CAMTA1: variants seen among roughly 807,000 people sequenced by gnomAD.
CAMTA1 encodes the protein calmodulin-binding transcription activator 1.
In CAMTA1, 27 loss-of-function variants were observed where a neutral mutation model predicts 170.9. The observed-to-expected ratio is 0.16, with a 90% CI of 0.12 to 0.22. CAMTA1 has a LOEUF of 0.22. Among genes scored for constraint, CAMTA1 ranks in the 10% least tolerant of loss-of-function variants. CAMTA1 has a pLI of 1.00. For synonymous variants in CAMTA1, 833 were observed against 891.5 expected (o/e 0.93, Z 1.17); for missense variants, 1,619 against 2,217.2 (o/e 0.73, Z 5.42).
At chr1:7,548,658 C>T (rs1385655047) in intron 6 of CAMTA1, among the ~76,000 whole-genome samples, 1 of 142,762 alleles carries the variant, frequency 7.0e-6, no homozygotes, top group Non-Finnish European at 1.5e-5. Context: ...GAGGGTGCCC[C>T]CTTAGGGGTG....
rs1008589014 is a variant in CAMTA1 at position 7,633,421 on chromosome 1, C to T, written c.511-6979C>T. Among the ~76,000 whole-genome samples the T allele has an allele frequency of 2.0e-5, 3 of 152,184 alleles. No homozygotes were observed. Among genetic ancestry groups the T allele is most frequent in the Non-Finnish European group, 4.4e-5 (3 of 68,030 alleles). On this transcript the variant is annotated intron_variant, in intron 6 of 22. Transcript: ENST00000303635. This position sits in a 1 kb window ranked among gnomAD's most constrained non-coding sequence, Gnocchi z 4.1. ...TCGTGGACCCCCCCAGATGCCACCC[C>T]TCCTGGGCCCCTTCTGGGGGAGTGG...
chr1:7,219,830 G>C (rs193275701), intron 4 of CAMTA1, among the ~76,000 whole-genome samples: 158 of 152,230 alleles, frequency 1.0e-3, no homozygotes, highest in Admixed American at 2.7e-3. Context: ...GAAGTCAGGA[G>C]TTTGAGACCA....
At chr1:6,935,462 C>T (rs72638543) in intron 3 of CAMTA1, among the ~76,000 whole-genome samples, 4,267 of 152,192 alleles carry the variant, frequency 0.028, 104 homozygotes, top group Non-Finnish European at 0.04. Flanking sequence ...GCTCCAGTCG[C>T]GGGGCTGCAG....
rs189758359 is a variant in CAMTA1 at position 7,513,918 on chromosome 1, G to A, written c.510+46017G>A. On this transcript the variant is annotated intron_variant, in intron 6 of 22. Coordinates refer to ENST00000303635, the MANE Select transcript of CAMTA1 (RefSeq NM_015215.4). Reference sequence around the variant, plus strand: ...GCCTGGGCGACAAGAGTGAAACTCCGTCTCAAAAACACATACACACACACA... The same window carrying A: ...GCCTGGGCGACAAGAGTGAAACTCCATCTCAAAAACACATACACACACACA... Among the ~76,000 whole-genome samples, 195 of 151,716 alleles carry A rather than the reference G, an allele frequency of 1.3e-3. 1 individual carries two copies. Among genetic ancestry groups the A allele is most frequent in the African/African-American group, 3.9e-3 (162 of 41,310 alleles).
intron 3 of CAMTA1, among the ~76,000 whole-genome samples, chr1:6,843,515 T>C (rs1570788795): frequency 6.6e-6 from 1 of 152,188 alleles, no homozygotes. Context: ...CTGTTAATGG[T>C]CTCTTATAAT....
At chr1:7,345,986 T>C (rs191105198) in intron 5 of CAMTA1, among the ~76,000 whole-genome samples, 13 of 152,332 alleles carry the variant, frequency 8.5e-5, no homozygotes, top group Non-Finnish European at 1.9e-4. Context: ...TCTTTGGTAT[T>C]AGCCACAGTA....
intron 6 of CAMTA1, among the ~76,000 whole-genome samples, chr1:7,488,755 C>T (rs2093657466): frequency 6.6e-6 from 1 of 152,112 alleles, no homozygotes. Flanking sequence ...TATACACATA[C>T]ATGTACATAT....
intron 11 of CAMTA1, among the ~76,000 whole-genome samples, chr1:7,731,571 C>CAAAAA (rs536530455): frequency 1.1e-5 from 1 of 87,048 alleles, no homozygotes; most frequent in Non-Finnish European, 2.4e-5. Flanking sequence ...CACTCTGTCT[C>CAAAAA]AAAAAAAAAA....
At chr1:7,076,283 A>G (rs1639294393) in intron 3 of CAMTA1, among the ~76,000 whole-genome samples, 1 of 152,064 alleles carries the variant, frequency 6.6e-6, no homozygotes, top group African/African-American at 2.4e-5. Flanking sequence ...TCCTCTTGCT[A>G]TTGCTCTGTT....
chr1:6,954,718 C>T (rs137985963), intron 3 of CAMTA1, among the ~76,000 whole-genome samples: 3 of 152,284 alleles, frequency 2.0e-5, no homozygotes, highest in Admixed American at 6.5e-5. Context: ...TCAAGGACCG[C>T]GAGTGCCTTT....
intron 6 of CAMTA1, among the ~76,000 whole-genome samples, chr1:7,594,174 G>T (rs1403248458): frequency 1.4e-5 from 2 of 139,424 alleles, no homozygotes; most frequent in Non-Finnish European, 3.1e-5. Context: ...AGAAAGGAAA[G>T]AAAGAAAAGA....
intron 6 of CAMTA1, among the ~76,000 whole-genome samples, chr1:7,494,629 C>T (rs575921434): frequency 3.0e-4 from 45 of 152,222 alleles, no homozygotes; most frequent in Admixed American, 1.6e-3. Context: ...TGTGGTAAAA[C>T]CCCATCTCTA....
chr1:7,494,197 G>A (rs202166062), intron 6 of CAMTA1, among the ~76,000 whole-genome samples: 2 of 78,120 alleles, frequency 2.6e-5, no homozygotes, highest in Non-Finnish European at 4.6e-5. Flanking sequence ...TGTTCAGAGG[G>A]GGAAAAATCT....
At chr1:7,632,300 C>A (rs74053121) in intron 6 of CAMTA1, among the ~76,000 whole-genome samples, 2 of 152,218 alleles carry the variant, frequency 1.3e-5, no homozygotes, top group African/African-American at 4.8e-5. Context: ...CAGGCAGGCC[C>A]GCCCCCCGCG....
intron 4 of CAMTA1, among the ~76,000 whole-genome samples, chr1:7,187,185 T>A (rs1340222823): frequency 2.0e-5 from 3 of 152,076 alleles, no homozygotes; most frequent in Admixed American, 6.6e-5. Context: ...ACTCCAGGTT[T>A]GCAGAGAGGA....
At position 7,753,828 on chromosome 1, in the gene CAMTA1, G is replaced by C. The variant is rs564018682; in HGVS notation, c.4958+1295G>C. ...TACTTTCCACCATGCAAGGATGGGAGATTTTTCACCATGATAGCTAATGAG... is the reference window on the plus strand; with the variant it reads ...TACTTTCCACCATGCAAGGATGGGACATTTTTCACCATGATAGCTAATGAG... On this transcript the variant is annotated intron_variant, in intron 21 of 22. Transcript: ENST00000303635. Among the ~76,000 whole-genome samples the C allele has an allele frequency of 3.7e-4, 57 of 152,308 alleles. 1 individual carries two copies. Among genetic ancestry groups the C allele is most frequent in the African/African-American group, 1.3e-3 (55 of 41,556 alleles).
At position 7,631,858 on chromosome 1, in the gene CAMTA1, C is replaced by T. The variant is rs191963132; in HGVS notation, c.511-8542C>T. 4.1e-4 allele frequency among the ~76,000 whole-genome samples: 63 copies of T among 152,328 alleles called. 2 individuals are homozygous for T. The East Asian group carries it at 9.1e-3, about 22-fold the overall frequency. Reference sequence around the variant, plus strand: ...GCCTGCCAAGGCCTTCATGATCAGCCTCCTTTCTAGTGGAACCATCGTCCC... The same window carrying T: ...GCCTGCCAAGGCCTTCATGATCAGCTTCCTTTCTAGTGGAACCATCGTCCC... On this transcript the variant is annotated intron_variant, in intron 6 of 22. Coordinates refer to ENST00000303635, the MANE Select transcript of CAMTA1 (RefSeq NM_015215.4).
chr1:7,628,092 G>C (rs995210641), intron 6 of CAMTA1, among the ~76,000 whole-genome samples: 1 of 152,234 alleles, frequency 6.6e-6, no homozygotes, highest in African/African-American at 2.4e-5. Flanking sequence ...AAAGTCTTGA[G>C]ATGTGCTGGC....
chr1:6,811,587 G>A (rs540707277), intron 1 of CAMTA1, among the ~76,000 whole-genome samples: 2 of 152,274 alleles, frequency 1.3e-5, no homozygotes, highest in South Asian at 2.1e-4. Context: ...TGTTGCTTCT[G>A]ATCTCTGGGC....
Sources: allele counts gnomAD v4.1 joint callset (sites outside exome capture counted in the v4.1 genomes callset), GRCh38; gene constraint gnomAD v4.1.1; non-coding constraint Gnocchi (gnomAD v3.1); transcripts MANE v1.5; gene names NCBI Gene and HGNC (gene_info 2026-07-23, HGNC 2026-07-21).